The following RANBP17 variants were observed in gnomAD, a reference collection of about 807,000 sequenced individuals.
RANBP17 encodes the protein RAN binding protein 17.
In RANBP17, 158 loss-of-function variants were observed where a neutral mutation model predicts 141.2. That is an observed-to-expected ratio of 1.12 (90% CI 0.98 to 1.28). RANBP17 has a LOEUF of 1.28. Among genes scored for constraint, RANBP17 ranks in the 50% most tolerant of loss-of-function variants. The probability of loss-of-function intolerance (pLI) is 0.00; values close to 1 mark genes in which losing one functional copy is unlikely to be tolerated. For synonymous variants in RANBP17, 430 were observed against 450.0 expected (o/e 0.96, Z 0.56); for missense variants, 1,438 against 1,290.7 (o/e 1.11, Z -1.75).
intron 21 of RANBP17, among the ~76,000 whole-genome samples, chr5:171,214,701 A>C (rs187146571): frequency 6.6e-6 from 1 of 152,262 alleles, no homozygotes; most frequent in East Asian, 1.9e-4. Flanking sequence ...AGCCACTCTC[A>C]TAGGTGCCTT....
chr5:170,907,893 G>A (rs2127415692), intron 5 of RANBP17, among the ~76,000 whole-genome samples: 1 of 151,932 alleles, frequency 6.6e-6, no homozygotes, highest in African/African-American at 2.4e-5. Flanking sequence ...CTTCTCAAAA[G>A]AAGGCAAGTG....
intron 14 of RANBP17, among the ~76,000 whole-genome samples, chr5:171,145,470 T>C (rs1757975844): frequency 6.6e-6 from 1 of 152,194 alleles, no homozygotes; most frequent in Non-Finnish European, 1.5e-5. Flanking sequence ...CAATGCATAT[T>C]CTAAAGGCCA....
intron 1 of RANBP17, 29 bp from the exon 2 acceptor site, chr5:170,878,068 G>A (rs1004012761): frequency 3.2e-5 from 49 of 1,511,908 alleles, no homozygotes; most frequent in Non-Finnish European, 4.2e-5. Context: ...TTTCATTGAA[G>A]TAAAATGTTA....
At chr5:171,190,602 T>C (rs1761561793) in intron 18 of RANBP17, among the ~76,000 whole-genome samples, 1 of 152,136 alleles carries the variant, frequency 6.6e-6, no homozygotes, top group Non-Finnish European at 1.5e-5. Flanking sequence ...GTTCCCTAGG[T>C]TATTTAAAAT....
At chr5:171,229,906 A>C (rs1017614294) in intron 22 of RANBP17, among the ~76,000 whole-genome samples, 2 of 151,712 alleles carry the variant, frequency 1.3e-5, no homozygotes, top group African/African-American at 4.8e-5. Context: ...TCTCTACTAA[A>C]AATACAAAAT....
chr5:170,951,366 A>G (rs1214738190), intron 12 of RANBP17, among the ~76,000 whole-genome samples: 1 of 152,144 alleles, frequency 6.6e-6, no homozygotes, highest in Admixed American at 6.6e-5. Context: ...GTGTATCAAT[A>G]AAAATAAATA....
At chr5:171,277,508 G>A (rs75273227) in intron 25 of RANBP17, among the ~76,000 whole-genome samples, 1,677 of 149,696 alleles carry the variant, frequency 0.011, 25 homozygotes, top group African/African-American at 0.036. Context: ...ATAAGATGTC[G>A]CTATAGAAGG....
At chr5:170,897,741 G>A (rs887701143) in intron 5 of RANBP17, among the ~76,000 whole-genome samples, 3 of 152,012 alleles carry the variant, frequency 2.0e-5, no homozygotes, top group Admixed American at 6.6e-5. Context: ...ATATGAACTC[G>A]TCCTTTTTTA....
chr5:170,988,838 A>C (rs1778324662), intron 14 of RANBP17, among the ~76,000 whole-genome samples: 1 of 151,758 alleles, frequency 6.6e-6, no homozygotes, highest in South Asian at 2.1e-4. Flanking sequence ...TACCAAATTA[A>C]ATATGCCATT....
intron 2 of RANBP17, among the ~76,000 whole-genome samples, chr5:170,881,498 G>A (rs1045805207): frequency 3.3e-5 from 5 of 152,104 alleles, no homozygotes; most frequent in Non-Finnish European, 7.4e-5. Context: ...GATGATGTAG[G>A]GCTGTAGACC....
At chr5:170,983,695 A>G (rs956703999) in intron 14 of RANBP17, among the ~76,000 whole-genome samples, 5 of 152,176 alleles carry the variant, frequency 3.3e-5, no homozygotes, top group Non-Finnish European at 7.3e-5. Context: ...TACTTTTTAA[A>G]TCATGTATGT....
At chr5:171,211,451 AG>A (rs1355142398) in intron 20 of RANBP17, among the ~76,000 whole-genome samples, 2 of 151,860 alleles carry the variant, frequency 1.3e-5, no homozygotes, top group Non-Finnish European at 2.9e-5. Flanking sequence ...TAGTAGAGAC[AG>A]GGTTTCACCA....
intron 14 of RANBP17, among the ~76,000 whole-genome samples, chr5:170,988,540 C>G (rs1210767032): frequency 6.6e-6 from 1 of 151,336 alleles, no homozygotes; most frequent in Non-Finnish European, 1.5e-5. Context: ...ACTTGAAAAC[C>G]CAGTCCCTCC....
chr5:171,072,372 G>A (rs1381176444), intron 14 of RANBP17, among the ~76,000 whole-genome samples: 2 of 151,392 alleles, frequency 1.3e-5, no homozygotes, highest in African/African-American at 4.9e-5. Flanking sequence ...AATTTGTATT[G>A]TTTTAAGACA....
At chr5:171,066,347 C>A (rs1268753850) in intron 14 of RANBP17, among the ~76,000 whole-genome samples, 1 of 152,166 alleles carries the variant, frequency 6.6e-6, no homozygotes, top group African/African-American at 2.4e-5. Context: ...TCCCTGGTAA[C>A]CACTATTCTG....
At chr5:171,258,336 A>G (rs569003988) in intron 24 of RANBP17, among the ~76,000 whole-genome samples, 32 of 152,270 alleles carry the variant, frequency 2.1e-4, no homozygotes, top group African/African-American at 7.7e-4. Context: ...ATTCAGTGTA[A>G]TCCCTATCAA....
At position 170,953,579 on chromosome 5, in the gene RANBP17, T is replaced by C; in HGVS notation, c.1469-18T>C. 6.5e-7 allele frequency: 1 copy of C among 1,538,972 alleles called. No homozygotes were observed. The highest frequency in any genetic ancestry group is 1.2e-5 in the South Asian group (1 of 84,634). ...TATGAATACTTACTAAACTTTTTTC[T>C]TCCTTATTCTATATTAGGACGTCTT... On this transcript the variant is annotated intron_variant, in intron 12 of 27. Transcript: ENST00000523189.
chr5:170,950,204 A>G (rs1775094852), intron 12 of RANBP17, among the ~76,000 whole-genome samples: 1 of 152,146 alleles, frequency 6.6e-6, no homozygotes, highest in African/African-American at 2.4e-5. Context: ...TAAGACCTCA[A>G]AAGCACAGGC....
intron 24 of RANBP17, chr5:171,243,126 C>A: frequency 3.9e-6 from 1 of 253,630 alleles, no homozygotes; most frequent in Non-Finnish European, 7.3e-6. Context: ...ACCACCACGA[C>A]CAATATGTAG....
Sources: gnomAD v4.1 joint callset for allele counts (sites outside exome capture counted in the v4.1 genomes callset) on GRCh38, gnomAD v4.1.1 for gene constraint, MANE v1.5 for transcripts, NCBI Gene and HGNC (gene_info 2026-07-23, HGNC 2026-07-21) for gene names.